CFAP299: variants seen among roughly 807,000 people sequenced by gnomAD.
The protein encoded by CFAP299 is cilia and flagella associated protein 299.
In CFAP299, 21 loss-of-function variants were observed where a neutral mutation model predicts 27.0. That is an observed-to-expected ratio of 0.78 (90% CI 0.55 to 1.12). The LOEUF is 1.12. Ranked by LOEUF, CFAP299 falls within the 50% of genes most tolerant of loss-of-function variation. The pLI is 0.00. For missense variants in CFAP299, 310 were observed against 276.6 expected (o/e 1.12, Z -0.86); for synonymous variants, 104 against 98.1 (o/e 1.06, Z -0.36).
chr4:80,346,280 G>T (rs925811074), intron 1 of CFAP299, among the ~76,000 whole-genome samples: 3 of 152,180 alleles, frequency 2.0e-5, no homozygotes, highest in Admixed American at 6.5e-5. Flanking sequence ...TTAGTTTAAT[G>T]AGATCCCATT....
chr4:80,433,405 A>C (rs905850085), intron 2 of CFAP299, among the ~76,000 whole-genome samples: 2 of 152,202 alleles, frequency 1.3e-5, no homozygotes, highest in Non-Finnish European at 2.9e-5. Flanking sequence ...AAAAAATAAG[A>C]AAGAGAAACA....
At chr4:80,613,500 A>G (rs1360879514) in intron 3 of CFAP299, among the ~76,000 whole-genome samples, 1 of 152,204 alleles carries the variant, frequency 6.6e-6, no homozygotes, top group African/African-American at 2.4e-5. Context: ...TCTAGGTTAC[A>G]TGCATAATGT....
intron 2 of CFAP299, among the ~76,000 whole-genome samples, chr4:80,501,464 G>T (rs1039998355): frequency 1.4e-5 from 2 of 146,398 alleles, no homozygotes; most frequent in Non-Finnish European, 3.0e-5. Flanking sequence ...ATAATGAAAA[G>T]ATTTATAATT....
At chr4:80,884,055 C>T (rs1424897099) in intron 4 of CFAP299, among the ~76,000 whole-genome samples, 1 of 152,120 alleles carries the variant, frequency 6.6e-6, no homozygotes, top group Non-Finnish European at 1.5e-5. Context: ...GTGTGGTGTT[C>T]CCTTCTATGT....
At chr4:80,738,815 T>C (rs966767272) in intron 3 of CFAP299, among the ~76,000 whole-genome samples, 7 of 152,026 alleles carry the variant, frequency 4.6e-5, no homozygotes, top group Middle Eastern at 3.2e-3. Flanking sequence ...CTCTTTCTTC[T>C]TTCCTTTCTT....
chr4:80,321,998 G>T, the CFAP299 span, among the ~76,000 whole-genome samples: 1 of 152,222 alleles, frequency 6.6e-6, no homozygotes, highest in East Asian at 1.9e-4. Flanking sequence ...CCCTGCCTGG[G>T]CCTGATACCC....
chr4:80,341,514 C>T (rs1722451499), intron 1 of CFAP299, among the ~76,000 whole-genome samples: 1 of 152,144 alleles, frequency 6.6e-6, no homozygotes, highest in South Asian at 2.1e-4. Flanking sequence ...TCACAGCCTT[C>T]ACTGGTGATA....
intron 2 of CFAP299, among the ~76,000 whole-genome samples, chr4:80,394,979 A>T (rs1364100690): frequency 6.6e-6 from 1 of 152,066 alleles, no homozygotes; most frequent in African/African-American, 2.4e-5. Context: ...TGGAATTTTG[A>T]GAAAGTTTGT....
At chr4:80,487,429 A>C (rs1047464038) in intron 2 of CFAP299, among the ~76,000 whole-genome samples, 11 of 152,164 alleles carry the variant, frequency 7.2e-5, no homozygotes, top group African/African-American at 2.7e-4. Flanking sequence ...TCTTTCTAGT[A>C]TCTTGTGCCA....
chr4:80,511,664 T>G (rs1242755150), intron 2 of CFAP299, among the ~76,000 whole-genome samples: 1 of 152,146 alleles, frequency 6.6e-6, no homozygotes, highest in African/African-American at 2.4e-5. Context: ...TTCTTTTCCT[T>G]GAATGTTATT....
chr4:80,889,660 A>C (rs9884596), intron 4 of CFAP299, among the ~76,000 whole-genome samples: 22,005 of 151,960 alleles, frequency 0.14, 2,784 homozygotes, highest in African/African-American at 0.32. Flanking sequence ...AACCAGACAA[A>C]AACATATCTA....
intron 4 of CFAP299, among the ~76,000 whole-genome samples, chr4:80,888,015 C>T (rs1376665549): frequency 6.6e-6 from 1 of 151,854 alleles, no homozygotes; most frequent in Non-Finnish European, 1.5e-5. Flanking sequence ...TAAAGTATAT[C>T]ACCAGAGAAA....
chr4:80,781,682 T>C (rs530261648), intron 3 of CFAP299, among the ~76,000 whole-genome samples: 1 of 152,108 alleles, frequency 6.6e-6, no homozygotes, highest in African/African-American at 2.4e-5. Flanking sequence ...GTATTTGATA[T>C]GACTCAAGGT....
In CFAP299 at chr4:80,567,612, C is replaced by G. The variant is rs141882003; in HGVS notation, c.243-15481C>G. On this transcript the variant is annotated intron_variant, in intron 2 of 5. Coordinates refer to ENST00000358105, the MANE Select transcript of CFAP299 (RefSeq NM_152770.3). ...CCTTCGTGTTTAAATAATAATCTCT[C>G]AGAGATTAAAGGCGGATTGTCTGTT... 9.6e-3 allele frequency among the ~76,000 whole-genome samples: 1,459 copies of G among 151,976 alleles called. 16 individuals are homozygous for G. The highest frequency in any genetic ancestry group is 0.016 in the Non-Finnish European group (1,058 of 67,924).
At chr4:80,414,074 T>TTC (rs1553921211) in intron 2 of CFAP299, among the ~76,000 whole-genome samples, 1 of 50,964 alleles carries the variant, frequency 2.0e-5, no homozygotes. Context: ...CTTTTTTTTT[T>TTC]TTTTTTTTTT....
At chr4:80,588,340 A>G (rs1736552540) in intron 3 of CFAP299, among the ~76,000 whole-genome samples, 1 of 150,974 alleles carries the variant, frequency 6.6e-6, no homozygotes, top group African/African-American at 2.5e-5. Context: ...CACTACCAAC[A>G]TCCACTGCAG....
intron 2 of CFAP299, among the ~76,000 whole-genome samples, chr4:80,478,631 G>A (rs183140137): frequency 1.3e-5 from 2 of 152,184 alleles, no homozygotes; most frequent in South Asian, 4.1e-4. Context: ...TATACCCAGT[G>A]AAACCATTTT....
intron 2 of CFAP299, among the ~76,000 whole-genome samples, chr4:80,478,449 C>G (rs185895565): frequency 6.6e-5 from 10 of 152,086 alleles, no homozygotes; most frequent in African/African-American, 2.4e-4. Flanking sequence ...GCACAGGCCT[C>G]TAGCAGTTAA....
intron 2 of CFAP299, chr4:80,386,452 C>G: frequency 5.2e-6 from 8 of 1,537,182 alleles, no homozygotes; most frequent in Non-Finnish European, 7.0e-6. Context: ...AAGGGGGTCA[C>G]CACCTTGCGC....
Sources: gnomAD v4.1 joint callset for allele counts (sites outside exome capture counted in the v4.1 genomes callset) on GRCh38, gnomAD v4.1.1 for gene constraint, MANE v1.5 for transcripts, NCBI Gene and HGNC (gene_info 2026-07-23, HGNC 2026-07-21) for gene names.